CREB1: variants seen among roughly 807,000 people sequenced by gnomAD.
The protein encoded by CREB1 is cAMP responsive element binding protein 1, also known as cyclic AMP-responsive element-binding protein 1.
A neutral mutation model predicts 42.0 loss-of-function variants in CREB1; 2 were observed. That is an observed-to-expected ratio of 0.05 (90% CI 0.02 to 0.15). The LOEUF is 0.15. Among genes scored for constraint, CREB1 ranks in the 10% least tolerant of loss-of-function variants. The pLI is 1.00. For synonymous variants in CREB1, 123 were observed against 139.9 expected (o/e 0.88, Z 0.85); for missense variants, 199 against 388.9 (o/e 0.51, Z 4.11).
Position 207,536,291 on chromosome 2 carries a change from G to A in CREB1, c.-9+6157G>A, listed in dbSNP as rs534133805. ...TCATGGGCCAGTCGCGGTGGCTGAC[G>A]CCTGTGTGATCCCAGCACTTTGGGA... On this transcript the variant is annotated intron_variant, in intron 1 of 7. Coordinates refer to ENST00000353267, the MANE Select transcript of CREB1 (RefSeq NM_004379.5). Among the ~76,000 whole-genome samples the A allele has an allele frequency of 5.3e-5, 8 of 152,132 alleles. No homozygotes were observed. The South Asian group carries it at 1.0e-3, about 20-fold the overall frequency.
intron 5 of CREB1, among the ~76,000 whole-genome samples, chr2:207,572,094 C>T (rs542230016): frequency 5.3e-5 from 8 of 151,930 alleles, no homozygotes; most frequent in Admixed American, 1.3e-4. Context: ...GGCATAGTGG[C>T]GGACGCCTGT....
chr2:207,542,882 A>G (rs1027936104), intron 1 of CREB1, among the ~76,000 whole-genome samples: 3 of 152,216 alleles, frequency 2.0e-5, no homozygotes, highest in African/African-American at 4.8e-5. Context: ...TTCTGTGTCC[A>G]TATCCTTCAG....
rs2087641516 is a variant in CREB1 at position 207,604,180 on chromosome 2, C to CT, written c.*7124dup. ...GGACCTTCAGGAAAAGATTGCCCAT[C>CT]TTGTCATTTGACCAGGCACTGAAGT... On this transcript the variant is annotated 3_prime_UTR_variant, in exon 8 of 8. Coordinates refer to ENST00000353267, the MANE Select transcript of CREB1 (RefSeq NM_004379.5). 6.6e-6 allele frequency among the ~76,000 whole-genome samples: 1 copy of CT among 152,220 alleles called. No homozygotes were observed. The highest frequency in any genetic ancestry group is 2.1e-4 in the South Asian group (1 of 4,830).
intron 1 of CREB1, among the ~76,000 whole-genome samples, chr2:207,553,062 CTTTTTT>C (rs10561230): frequency 1.6e-5 from 1 of 63,176 alleles, no homozygotes; most frequent in Non-Finnish European, 3.0e-5. Flanking sequence ...TACAGGTAGA[CTTTTTT>C]TTTTTTTTTT....
At position 207,565,488 on chromosome 2, in the gene CREB1, C is replaced by CT. The variant is rs574018651; in HGVS notation, c.262-1961dup. On this transcript the variant is annotated intron_variant, in intron 3 of 7. Transcript: ENST00000353267. ...ATCTTACAGGTCAGAGAAAGGCAAC[C>CT]TTTTTTTTTTTTTTCATTAAGGGCC... Among the ~76,000 whole-genome samples the CT allele has an allele frequency of 3.2e-3, 432 of 135,124 alleles. 1 individual carries two copies. Among genetic ancestry groups the CT allele is most frequent in the African/African-American group, 8.1e-3 (298 of 36,972 alleles). 88.6% of individuals were successfully genotyped at this position (135,124 alleles called of 152,430 possible).
intron 7 of CREB1, among the ~76,000 whole-genome samples, chr2:207,595,470 TGGTATAGTGGCATGATCATG>T: frequency 6.6e-6 from 1 of 152,160 alleles, no homozygotes; most frequent in South Asian, 2.1e-4. Flanking sequence ...TCCCAAGCTG[TGGTATAGTGGCATGATCATG>T]GCTCACTGCA....
chr2:207,584,625 C>T (rs777055081), intron 7 of CREB1, among the ~76,000 whole-genome samples: 2 of 152,190 alleles, frequency 1.3e-5, no homozygotes, highest in African/African-American at 4.8e-5. Context: ...TGGTTTTGAA[C>T]TCCTGACCTC....
At chr2:207,596,539 T>TGC (rs1251008748) in intron 7 of CREB1, among the ~76,000 whole-genome samples, 1 of 151,816 alleles carries the variant, frequency 6.6e-6, no homozygotes, top group East Asian at 2.0e-4. Context: ...GTTCAAGCGA[T>TGC]GCCCATGGCT....
chr2:207,530,650 G>A (rs1258731750), intron 1 of CREB1, among the ~76,000 whole-genome samples: 1 of 150,538 alleles, frequency 6.6e-6, no homozygotes, highest in East Asian at 1.9e-4. Flanking sequence ...CCGCCTAGGT[G>A]CCGGTGGGGG....
chr2:207,571,628 CGTGTAT>C (rs2082368180), intron 5 of CREB1: 1 of 347,082 alleles, frequency 2.9e-6, no homozygotes, highest in African/African-American at 2.2e-5. Context: ...CAATTCTGTA[CGTGTAT>C]GTGTATTATC....
rs2087119382 is a variant in CREB1 at position 207,601,894 on chromosome 2, T to A, written c.*4836T>A. 9.3e-6 allele frequency: 2 copies of A among 214,074 alleles called. No individual in the cohort carries two copies. Among genetic ancestry groups the A allele is most frequent in the Admixed American group, 1.2e-4 (2 of 17,120 alleles). 13.3% of individuals were successfully genotyped at this position (214,074 alleles called of 1,614,324 possible). The stretch of plus-strand genomic sequence containing the variant: ...TTACATACATCTTGAATATTCTTAA[T>A]GTAATAATGTTGACTATTAAGTTGG... On this transcript the variant is annotated 3_prime_UTR_variant, in exon 8 of 8. Transcript: ENST00000353267.
intron 3 of CREB1, among the ~76,000 whole-genome samples, chr2:207,562,711 TAAC>T (rs928812471): frequency 2.6e-4 from 40 of 152,334 alleles, no homozygotes; most frequent in African/African-American, 8.2e-4. Context: ...TGATTAGTGT[TAAC>T]AACTAGGAAA....
chr2:207,573,894 T>A (rs2082470829), intron 5 of CREB1, among the ~76,000 whole-genome samples: 1 of 152,258 alleles, frequency 6.6e-6, no homozygotes, highest in African/African-American at 2.4e-5. Flanking sequence ...GATTCACTCA[T>A]TAACTCTAAA....
intron 3 of CREB1, among the ~76,000 whole-genome samples, chr2:207,567,020 A>G (rs562906701): frequency 1.2e-4 from 19 of 152,190 alleles, no homozygotes; most frequent in Non-Finnish European, 2.6e-4. Context: ...ATGGATCGCC[A>G]GTCTTACTGT....
intron 2 of CREB1, among the ~76,000 whole-genome samples, chr2:207,556,432 T>A (rs962062468): frequency 1.3e-5 from 2 of 152,196 alleles, no homozygotes; most frequent in African/African-American, 4.8e-5. Context: ...TGTGATACCG[T>A]CTCTTTCAGA....
At chr2:207,590,082 AGTTTTTT>A (rs1218854293) in intron 7 of CREB1, among the ~76,000 whole-genome samples, 8 of 95,576 alleles carry the variant, frequency 8.4e-5, no homozygotes, top group Admixed American at 1.3e-4. Context: ...TATTTTGAGA[AGTTTTTT>A]TTTTTTTTTT....
At position 207,547,872 on chromosome 2, in the gene CREB1, T is replaced by G. The variant is rs114111249; in HGVS notation, c.-8-7756T>G. ...TTCTTGTTGAAAGGCGCTATAGAGTTAGTCACATATTCTGAGATGGCTGTC... is the reference window on the plus strand; with the variant it reads ...TTCTTGTTGAAAGGCGCTATAGAGTGAGTCACATATTCTGAGATGGCTGTC... On this transcript the variant is annotated intron_variant, in intron 1 of 7. Transcript: ENST00000353267. Among the ~76,000 whole-genome samples, 359 of 152,126 alleles carry G rather than the reference T, an allele frequency of 2.4e-3. 2 individuals are homozygous for G. The highest frequency in any genetic ancestry group is 8.5e-3 in the African/African-American group (352 of 41,538).
At chr2:207,536,824 T>A (rs2080892714) in intron 1 of CREB1, among the ~76,000 whole-genome samples, 1 of 151,808 alleles carries the variant, frequency 6.6e-6, no homozygotes, top group African/African-American at 2.4e-5. Flanking sequence ...ACCCCATCTC[T>A]ACTAAAAATA....
chr2:207,541,267 A>G (rs1032026583), intron 1 of CREB1, among the ~76,000 whole-genome samples: 6 of 152,204 alleles, frequency 3.9e-5, no homozygotes, highest in African/African-American at 1.2e-4. Flanking sequence ...GAAGTCTACA[A>G]TAGTGTACAG....
Sources: allele counts gnomAD v4.1 joint callset (sites outside exome capture counted in the v4.1 genomes callset), GRCh38; gene constraint gnomAD v4.1.1; transcripts MANE v1.5; gene names NCBI Gene and HGNC (gene_info 2026-07-23, HGNC 2026-07-21).